The following CASP14 variants were observed in gnomAD, a reference collection of about 807,000 sequenced individuals.
CASP14 encodes caspase 14.
A neutral mutation model predicts 28.4 loss-of-function variants in CASP14; 27 were observed. The ratio of observed to expected loss-of-function variants is 0.95; its 90% CI spans 0.70 to 1.31. The LOEUF (loss-of-function observed/expected upper bound fraction) is 1.31. Ranked by LOEUF, CASP14 falls within the 50% of genes most tolerant of loss-of-function variation. The probability of loss-of-function intolerance (pLI) is 0.00; values close to 1 mark genes in which losing one functional copy is unlikely to be tolerated. For synonymous variants in CASP14, 115 were observed against 118.6 expected, an observed-to-expected ratio of 0.97 and a Z score of 0.20; for missense variants, 323 against 312.8, an observed-to-expected ratio of 1.03 and a Z score of -0.25.
At chr19:15,055,862 T>C in intron 6 of CASP14, 123 bp from the exon 7 acceptor site, 1 of 694,190 alleles carries the variant, frequency 1.4e-6, no homozygotes, top group African/African-American at 1.8e-5. Context: ...AACTATGGTA[T>C]AGGAAGAGGC....
At chr19:15,054,714 C>T (rs2046107893) in intron 4 of CASP14, among the ~76,000 whole-genome samples, 1 of 151,038 alleles carries the variant, frequency 6.6e-6, no homozygotes, top group Non-Finnish European at 1.5e-5. Context: ...AATCTTGGCT[C>T]ACTGCAACCC....
rs545491297 is a variant in CASP14 at position 15,051,746 on chromosome 19, C to T, written c.-46-460C>T. Among the ~76,000 whole-genome samples, 4 of 152,200 alleles carry T rather than the reference C, an allele frequency of 2.6e-5. No individual in the cohort carries two copies. In the South Asian group the frequency reaches 8.3e-4, roughly 32 times the overall value. ...GAGATAATATCAAAGTTGCATTCCC[C>T]ACTTCGATGACATTCTCCTTTTAAA... On this transcript the variant is annotated intron_variant, in intron 1 of 6. Transcript: ENST00000427043.
chr19:15,056,126 T>C lies in CASP14; in HGVS notation c.*37T>C. The C allele has an allele frequency of 6.7e-7, 1 of 1,484,364 alleles. No individual in the cohort carries two copies. Among genetic ancestry groups the C allele is most frequent in the East Asian group, 2.6e-5 (1 of 38,152 alleles). 91.9% of individuals were successfully genotyped at this position (1,484,364 alleles called of 1,614,324 possible). ...CCAGGAGGAGCTTTCCTTCCAGCATTCTTTCTGTCTCACAGAAATTTAGAG... is the reference window on the plus strand; with the variant it reads ...CCAGGAGGAGCTTTCCTTCCAGCATCCTTTCTGTCTCACAGAAATTTAGAG... On this transcript the variant is annotated 3_prime_UTR_variant, in exon 7 of 7. Coordinates refer to ENST00000427043, the MANE Select transcript of CASP14 (RefSeq NM_012114.3).
At chr19:15,054,103 G>C in intron 4 of CASP14, 145 bp downstream of exon 4, 1 of 679,088 alleles carries the variant, frequency 1.5e-6, no homozygotes, top group South Asian at 1.9e-5. Context: ...TCCTGCCTCA[G>C]CCTCCTGAGT....
In CASP14 at chr19:15,053,732, G is replaced by A; in HGVS notation, c.178-1G>A. Reference sequence around the variant, plus strand: ...GAGTCTGGTTCTTCCTCTCACTCCAGCAATTCCAGGAAGAGCTGGAAAAAT... The same window carrying A: ...GAGTCTGGTTCTTCCTCTCACTCCAACAATTCCAGGAAGAGCTGGAAAAAT... On this transcript the variant is annotated splice_acceptor_variant, in intron 3 of 6. Coordinates refer to ENST00000427043, the MANE Select transcript of CASP14 (RefSeq NM_012114.3). LOFTEE classifies it high-confidence loss of function. The A allele has an allele frequency of 6.2e-7, 1 of 1,613,320 alleles. No individual in the cohort carries two copies. The highest frequency in any genetic ancestry group is 1.1e-5 in the South Asian group (1 of 91,074).
Position 15,053,804 on chromosome 19 carries a change from C to G in CASP14, c.249C>G (p.Phe83Leu), listed in dbSNP as rs776761326. ...DSREDPVSCA[F>L]VVLMAHGREG... ...GGGAAGATCCCGTCAGTTGTGCCTT[C>G]GTGGTACTCATGGCTCACGGGAGGG... is the stretch of plus-strand genomic sequence containing the variant. The change falls in exon 4 of 7, where the codon TTC becomes TTG. Residue 83 changes from phenylalanine (F) to leucine (L), a missense_variant. Phe to Leu is a conservative substitution (Grantham distance 22, BLOSUM62 0). Coordinates refer to ENST00000427043, the MANE Select transcript of CASP14 (RefSeq NM_012114.3). 6.2e-7 allele frequency: 1 copy of G among 1,613,936 alleles called. No individual in the cohort carries two copies. Among genetic ancestry groups the G allele is most frequent in the Non-Finnish European group, 8.5e-7 (1 of 1,180,016 alleles).
At chr19:15,054,373 T>C (rs2046105944) in intron 4 of CASP14, among the ~76,000 whole-genome samples, 1 of 151,774 alleles carries the variant, frequency 6.6e-6, no homozygotes, top group South Asian at 2.1e-4. Flanking sequence ...AGGCCAGGAG[T>C]TCAAGACTAG....
Position 15,055,144 on chromosome 19 carries a change from T to C in CASP14, c.404-14T>C. 6.2e-7 allele frequency: 1 copy of C among 1,608,860 alleles called. No individual in the cohort carries two copies. Among genetic ancestry groups the C allele is most frequent in the Non-Finnish European group, 8.5e-7 (1 of 1,175,340 alleles). ...TCTCTCTGACTTTGCCTCCTCCTCT[T>C]CTTGTTGTTTCAGAACAAAGGGACC... On this transcript the variant is annotated splice_polypyrimidine_tract_variant and intron_variant, in intron 4 of 6. Transcript: ENST00000427043.
At chr19:15,052,392 C>T (rs1402260628) in intron 2 of CASP14, 114 bp downstream of exon 2, 1 of 1,048,322 alleles carries the variant, frequency 9.5e-7, no homozygotes, top group East Asian at 3.1e-5. Context: ...GAACTCAGAG[C>T]TAGGAGGTAC....
chr19:15,050,669 AATGGATGG>A (rs557152872), intron 1 of CASP14, among the ~76,000 whole-genome samples: 1 of 151,330 alleles, frequency 6.6e-6, no homozygotes, highest in Non-Finnish European at 1.5e-5. Context: ...ATAATGGATG[AATGGATGG>A]ATGGATGGAT....
Position 15,055,159 on chromosome 19 carries a change from AC to A in CASP14, c.406del (p.Gln136LysfsTer8), listed in dbSNP as rs1336234504. The A allele has an allele frequency of 6.2e-7, 1 of 1,613,508 alleles. No homozygotes were observed. ...VYIIQACRGEQRDPGETVGGD... is the reference protein window; with the variant it reads ...VYIIQACRGEXRDPGETVGGD... Reference sequence around the variant, plus strand: ...CTCCTCCTCTTCTTGTTGTTTCAGAACAAAGGGACCCCGGTGAAACAGTAGG... The same window carrying A: ...CTCCTCCTCTTCTTGTTGTTTCAGAAAAAGGGACCCCGGTGAAACAGTAGG... On this transcript the variant is annotated frameshift_variant and splice_region_variant, in exon 5 of 7. Transcript: ENST00000427043. LOFTEE classifies it high-confidence loss of function.
At chr19:15,054,686 G>T (rs1425315015) in intron 4 of CASP14, among the ~76,000 whole-genome samples, 1 of 150,660 alleles carries the variant, frequency 6.6e-6, no homozygotes, top group Non-Finnish European at 1.5e-5. Flanking sequence ...TGTCACCCAG[G>T]CTGGAGTGCG....
rs142933956 is a variant in CASP14 at position 15,055,875 on chromosome 19, C to T, written c.625-110C>T. The T allele has an allele frequency of 9.1e-4, 706 of 779,854 alleles. 6 individuals carry two copies. In the African/African-American group the frequency reaches 0.01, roughly 11 times the overall value. 48.3% of individuals were successfully genotyped at this position (779,854 alleles called of 1,614,324 possible). Reference sequence around the variant, plus strand: ...CAAACTATGGTATAGGAAGAGGCCACAACGGTCTCTCATCTTAGGACAAGA... The same window carrying T: ...CAAACTATGGTATAGGAAGAGGCCATAACGGTCTCTCATCTTAGGACAAGA... On this transcript the variant is annotated intron_variant, in intron 6 of 6. Transcript: ENST00000427043.
At chr19:15,054,349 G>A (rs998773063) in intron 4 of CASP14, among the ~76,000 whole-genome samples, 2 of 152,188 alleles carry the variant, frequency 1.3e-5, no homozygotes, top group Non-Finnish European at 2.9e-5. Flanking sequence ...AGGCCCAGGC[G>A]GGAAGATTTT....
In CASP14 at chr19:15,053,813, C is replaced by T. The variant is rs1391353440; in HGVS notation, c.258C>T (p.Leu86=). Residue 86 remains leucine (L), a synonymous_variant, in exon 4 of 7, where the codon CTC becomes CTT. Transcript: ENST00000427043. ...EDPVSCAFVV[L]MAHGREGFLK... ...CCGTCAGTTGTGCCTTCGTGGTACT[C>T]ATGGCTCACGGGAGGGAAGGCTTCC... The T allele has an allele frequency of 1.2e-6, 2 of 1,614,006 alleles. No individual in the cohort carries two copies. Among genetic ancestry groups the T allele is most frequent in the African/African-American group, 2.7e-5 (2 of 74,906 alleles).
chr19:15,057,554 G>A lies in CASP14; in HGVS notation c.*1465G>A, dbSNP rs1216206219. Reference sequence around the variant, plus strand: ...TGTCCTCCATACCATCTATAACAGTGATCTCCCTGGAACACTCAAGAAGAC... The same window carrying A: ...TGTCCTCCATACCATCTATAACAGTAATCTCCCTGGAACACTCAAGAAGAC... On this transcript the variant is annotated 3_prime_UTR_variant, in exon 7 of 7. Transcript: ENST00000427043. The A allele has an allele frequency of 6.6e-6, 1 of 152,068 alleles. No individual in the cohort carries two copies. Among genetic ancestry groups the A allele is most frequent in the East Asian group, 1.9e-4 (1 of 5,178 alleles). The allele number at this position is 152,068 out of a possible 1,614,324, so 9.4% of individuals were successfully genotyped here.
At chr19:15,052,539 C>A (rs559463302) in intron 2 of CASP14, among the ~76,000 whole-genome samples, 1 of 152,148 alleles carries the variant, frequency 6.6e-6, no homozygotes, top group African/African-American at 2.4e-5. Context: ...TCTGAGAAGT[C>A]CTGCAATAAA....
chr19:15,055,836 C>G (rs1329575454), intron 6 of CASP14, 149 bp from the exon 7 acceptor site: 6 of 628,084 alleles, frequency 9.6e-6, no homozygotes, highest in Admixed American at 8.8e-5. Context: ...AAATGCCCAG[C>G]CAAGGATTCC....
chr19:15,052,829 A>C (rs140564128), intron 2 of CASP14, among the ~76,000 whole-genome samples: 2,102 of 152,276 alleles, frequency 0.014, 16 homozygotes, highest in Middle Eastern at 0.027. Flanking sequence ...ATATTTGGAA[A>C]CTGAGGCTCA....
Sources: gnomAD v4.1 joint callset for allele counts (sites outside exome capture counted in the v4.1 genomes callset) on GRCh38, gnomAD v4.1.1 for gene constraint, MANE v1.5 for transcripts, NCBI Gene and HGNC (gene_info 2026-07-23, HGNC 2026-07-21) for gene names.